Variants in GRID1 observed in about 807,000 individuals in gnomAD.
The protein encoded by GRID1 is glutamate ionotropic receptor delta type subunit 1.
A neutral mutation model predicts 98.0 loss-of-function variants in GRID1; 28 were observed. The ratio of observed to expected loss-of-function variants is 0.29; its 90% confidence interval spans 0.21 to 0.39. The LOEUF (loss-of-function observed/expected upper bound fraction) is 0.39, where lower values mean the gene tolerates loss of function less well. GRID1 is among the 10% of genes least tolerant of loss of function. The pLI is 1.00. For synonymous variants in GRID1, 553 were observed against 538.5 expected (o/e 1.03, Z -0.37); for missense variants, 1,111 against 1,340.5 (o/e 0.83, Z 2.67).
intron 4 of GRID1, among the ~76,000 whole-genome samples, chr10:86,111,888 C>T (rs1844492147): frequency 6.6e-6 from 1 of 152,214 alleles, no homozygotes; most frequent in Non-Finnish European, 1.5e-5. Flanking sequence ...GGATGACATT[C>T]CATGGTCTGG....
At chr10:86,303,925 C>G (rs1205928126) in intron 2 of GRID1, among the ~76,000 whole-genome samples, 2 of 152,208 alleles carry the variant, frequency 1.3e-5, no homozygotes. Context: ...TGCCTCTGAC[C>G]TTTTAAAGAC....
rs1213197583 is a variant in GRID1, at chr10:85,801,960, G to A, written c.1233+52536C>T. 2.6e-5 allele frequency among the ~76,000 whole-genome samples: 4 copies of A among 151,918 alleles called. No individual in the cohort carries two copies. In the South Asian group the frequency reaches 8.3e-4, roughly 31 times the overall value. On this transcript the variant is annotated intron_variant, in intron 8 of 15. Transcript: ENST00000327946. Reference sequence around the variant, plus strand: ...ACAAATATAAAATCTCTCTATAAATGTTACTTGTTTTTCTATACACCAAAC... The same window carrying A: ...ACAAATATAAAATCTCTCTATAAATATTACTTGTTTTTCTATACACCAAAC...
At chr10:85,721,790 C>G (rs1361522121) in intron 12 of GRID1, among the ~76,000 whole-genome samples, 1 of 152,050 alleles carries the variant, frequency 6.6e-6, no homozygotes, top group Non-Finnish European at 1.5e-5. Context: ...TACTGTGGTG[C>G]AGATACACAA....
chr10:86,232,487 C>T (rs1313031707), intron 2 of GRID1, among the ~76,000 whole-genome samples: 5 of 152,200 alleles, frequency 3.3e-5, no homozygotes, highest in African/African-American at 1.2e-4. Context: ...GCTGCCTCTC[C>T]TGTTGTATTT....
chr10:85,612,734 GA>G (rs11296422), intron 15 of GRID1, among the ~76,000 whole-genome samples: 1,682 of 139,428 alleles, frequency 0.012, 36 homozygotes, highest in African/African-American at 0.039. Context: ...CTTTATTTCA[GA>G]AAAAAAAAAA....
chr10:85,599,802 A>AAAAAATATATATATATAT lies in GRID1; in HGVS notation c.*2470_*2471insATATATATATATATTTTT. On this transcript the variant is annotated 3_prime_UTR_variant, in exon 16 of 16. Coordinates refer to ENST00000327946, the MANE Select transcript of GRID1 (RefSeq NM_017551.3). ...GTAGAAAATTCTAAAAAAAAAAAAAAATATATATATATATATATAAACATG... is the reference window on the plus strand; with the variant it reads ...GTAGAAAATTCTAAAAAAAAAAAAAAAAAAATATATATATATATATATATATATATATATATAAACATG... 6.2e-5 allele frequency: 4 copies of AAAAAATATATATATATAT among 64,980 alleles called. No individual in the cohort carries two copies. Among genetic ancestry groups the AAAAAATATATATATATAT allele is most frequent in the African/African-American group, 9.3e-5 (1 of 10,732 alleles). The allele number at this position is 64,980 out of a possible 1,614,324, so 4.0% of individuals were successfully genotyped here.
intron 2 of GRID1, among the ~76,000 whole-genome samples, chr10:86,213,426 A>T (rs1352965657): frequency 2.0e-5 from 3 of 151,502 alleles, no homozygotes; most frequent in African/African-American, 7.3e-5. Flanking sequence ...AATGACTTAC[A>T]TCCTTTTTCA....
At chr10:86,189,734 T>C (rs1199614070) in intron 3 of GRID1, among the ~76,000 whole-genome samples, 1 of 152,154 alleles carries the variant, frequency 6.6e-6, no homozygotes, top group African/African-American at 2.4e-5. Context: ...CTCTACCCAC[T>C]GAGGCCACTA....
Position 85,792,266 on chromosome 10 carries a change from A to T in GRID1, c.1233+62230T>A, listed in dbSNP as rs545343135. 3.9e-5 allele frequency among the ~76,000 whole-genome samples: 6 copies of T among 152,336 alleles called. No individual in the cohort carries two copies. The South Asian group carries it at 1.2e-3, about 32-fold the overall frequency. On this transcript the variant is annotated intron_variant, in intron 8 of 15. Transcript: ENST00000327946. ...CGGTGGCAGCAGTCGCAGCCACAGC[A>T]GCAGGAAGAAACAAGTTGTAGCTGT...
intron 3 of GRID1, among the ~76,000 whole-genome samples, chr10:86,153,655 C>A (rs1845201767): frequency 6.6e-6 from 1 of 152,188 alleles, no homozygotes; most frequent in Non-Finnish European, 1.5e-5. Flanking sequence ...GCTGGATACC[C>A]CAGCCCAGGC....
intron 2 of GRID1, among the ~76,000 whole-genome samples, chr10:86,256,535 G>T (rs1846920158): frequency 6.6e-6 from 1 of 152,092 alleles, no homozygotes; most frequent in African/African-American, 2.4e-5. Context: ...TGGCAAGAGG[G>T]TCCAAAAGTG....
At chr10:86,113,431 A>C (rs1262303171) in intron 4 of GRID1, among the ~76,000 whole-genome samples, 2 of 152,244 alleles carry the variant, frequency 1.3e-5, no homozygotes, top group Non-Finnish European at 2.9e-5. Context: ...TACAAAAGCA[A>C]AGGCCTTCTC....
chr10:86,236,520 T>A (rs1369979085), intron 2 of GRID1, among the ~76,000 whole-genome samples: 2 of 152,164 alleles, frequency 1.3e-5, no homozygotes, highest in Non-Finnish European at 2.9e-5. Context: ...GGCCTTCAAC[T>A]TGAAGTACCC....
chr10:85,688,319 T>C (rs550744175), intron 12 of GRID1, among the ~76,000 whole-genome samples: 1 of 152,286 alleles, frequency 6.6e-6, no homozygotes, highest in African/African-American at 2.4e-5. Flanking sequence ...GAAAAGGGGC[T>C]GCTGGGAAAT....
At chr10:85,727,782 T>C (rs757738025) in intron 10 of GRID1, 73 bp downstream of exon 10, 604 of 1,135,014 alleles carry the variant, frequency 5.3e-4, no homozygotes, top group Non-Finnish European at 7.6e-4. Context: ...CACTGTGCAA[T>C]TGGTCAAGTT....
chr10:86,311,565 TG>T (rs1847832755), intron 2 of GRID1, among the ~76,000 whole-genome samples: 1 of 150,856 alleles, frequency 6.6e-6, no homozygotes, highest in South Asian at 2.1e-4. Flanking sequence ...CCTAGAGAGG[TG>T]CAGGGGCTCC....
chr10:85,819,891 G>T (rs1025727154), intron 8 of GRID1, among the ~76,000 whole-genome samples: 16 of 151,268 alleles, frequency 1.1e-4, no homozygotes, highest in African/African-American at 3.9e-4. Context: ...TCTAGCCTGG[G>T]CGAAAAGAGC....
At chr10:85,625,390 T>C (rs191311326) in intron 13 of GRID1, among the ~76,000 whole-genome samples, 1 of 152,342 alleles carries the variant, frequency 6.6e-6, no homozygotes, top group East Asian at 1.9e-4. Flanking sequence ...AAAATCTCCT[T>C]GACATTTTTG....
chr10:86,255,139 G>C (rs190628436), intron 2 of GRID1, among the ~76,000 whole-genome samples: 26 of 152,270 alleles, frequency 1.7e-4, no homozygotes, highest in Admixed American at 5.2e-4. Flanking sequence ...CCACTCCCTG[G>C]GGAATCACAA....
Sources: allele counts gnomAD v4.1 joint callset (sites outside exome capture counted in the v4.1 genomes callset), GRCh38; gene constraint gnomAD v4.1.1; transcripts MANE v1.5; gene names NCBI Gene and HGNC (gene_info 2026-07-23, HGNC 2026-07-21).